CCDC91: variants seen among roughly 807,000 people sequenced by gnomAD.
The protein encoded by CCDC91 is coiled-coil domain-containing protein 91.
CCDC91 carries 48 observed loss-of-function variants against 63.2 expected under a neutral mutation model. The observed-to-expected ratio is 0.76, with a 90% CI of 0.60 to 0.97. The LOEUF (loss-of-function observed/expected upper bound fraction) is 0.97, where lower values mean the gene tolerates loss of function less well. Ranked by LOEUF, CCDC91 falls within the 50% of genes least tolerant of loss-of-function variation. CCDC91 has a pLI of 0.00. For synonymous variants in CCDC91, 167 were observed against 165.8 expected (o/e 1.01, Z -0.06); for missense variants, 500 against 494.6 (o/e 1.01, Z -0.10).
chr12:28,231,183 A>G (rs1944573070), intron 1 of CCDC91, among the ~76,000 whole-genome samples: 1 of 152,186 alleles, frequency 6.6e-6, no homozygotes, highest in Non-Finnish European at 1.5e-5. Flanking sequence ...GTTGTGAGAA[A>G]TAAACTGGAA....
At chr12:28,202,236 C>A (rs1310657398) in intron 1 of CCDC91, among the ~76,000 whole-genome samples, 1 of 152,108 alleles carries the variant, frequency 6.6e-6, no homozygotes, top group African/African-American at 2.4e-5. Context: ...GTTTTAGTGT[C>A]TTTGTCTCAT....
intron 1 of CCDC91, among the ~76,000 whole-genome samples, chr12:28,212,788 A>G (rs867997958): frequency 2.6e-5 from 4 of 152,212 alleles, no homozygotes; most frequent in African/African-American, 7.2e-5. Context: ...AACTGAGTCT[A>G]TGAAAGTTAA....
At chr12:28,484,203 T>A in intron 12 of CCDC91, 38 bp downstream of exon 12, 1 of 1,160,608 alleles carries the variant, frequency 8.6e-7, no homozygotes, top group Non-Finnish European at 1.3e-6. Flanking sequence ...TGTGCTTCAA[T>A]AAACTGAATC....
intron 6 of CCDC91, among the ~76,000 whole-genome samples, chr12:28,338,561 C>A (rs1395988375): frequency 6.6e-6 from 1 of 151,916 alleles, no homozygotes; most frequent in Admixed American, 6.6e-5. Context: ...TACCAGGGGG[C>A]CACCCTACAT....
chr12:28,348,618 TAAC>T (rs1942976448), intron 6 of CCDC91, among the ~76,000 whole-genome samples: 1 of 152,242 alleles, frequency 6.6e-6, no homozygotes, highest in Non-Finnish European at 1.5e-5. Flanking sequence ...CTTCTTTCTG[TAAC>T]AACTATTGTT....
At position 28,502,990 on chromosome 12, in the gene CCDC91, A is replaced by G. The variant is rs960006354; in HGVS notation, c.1215+18825A>G. ...AAAACCATAAAAACCCTAGAAGAAA[A>G]CCTAGGCAATACCATTCAGGACATA... On this transcript the variant is annotated intron_variant, in intron 12 of 12. Transcript: ENST00000536442. 5.9e-4 allele frequency among the ~76,000 whole-genome samples: 90 copies of G among 152,052 alleles called. 1 individual carries two copies. Among genetic ancestry groups the G allele is most frequent in the African/African-American group, 2.1e-3 (86 of 41,456 alleles).
At chr12:28,193,671 C>T (rs757411868) in intron 1 of CCDC91, among the ~76,000 whole-genome samples, 56 of 151,934 alleles carry the variant, frequency 3.7e-4, no homozygotes, top group Non-Finnish European at 6.5e-4. Flanking sequence ...TTTGCATTCC[C>T]GCAAGTGATG....
intron 12 of CCDC91, chr12:28,505,332 CA>C (rs1399536257): frequency 6.6e-6 from 1 of 151,764 alleles, no homozygotes; most frequent in African/African-American, 2.4e-5. Flanking sequence ...CATAATATTC[CA>C]TGTCCTTGAA....
At position 28,359,174 on chromosome 12, in the gene CCDC91, G is replaced by A. The variant is rs543074500; in HGVS notation, c.577-3264G>A. 1.8e-3 allele frequency among the ~76,000 whole-genome samples: 268 copies of A among 152,086 alleles called. 2 individuals carry two copies. Among genetic ancestry groups the A allele is most frequent in the Non-Finnish European group, 2.7e-3 (181 of 67,996 alleles). Reference sequence around the variant, plus strand: ...CTCCCAAAGTGCTGGGATTACGGGCGTGAGCCACAGCACCCAGCCTACACA... The same window carrying A: ...CTCCCAAAGTGCTGGGATTACGGGCATGAGCCACAGCACCCAGCCTACACA... On this transcript the variant is annotated intron_variant, in intron 6 of 12. Coordinates refer to ENST00000536442, the MANE Select transcript of CCDC91 (RefSeq NM_018318.5).
chr12:28,206,603 A>G (rs968827798), intron 1 of CCDC91, among the ~76,000 whole-genome samples: 2 of 152,122 alleles, frequency 1.3e-5, no homozygotes, highest in Non-Finnish European at 2.9e-5. Context: ...TAAAGAGTCT[A>G]CTCACTTAAC....
chr12:28,490,822 T>G (rs1951959926), intron 12 of CCDC91, among the ~76,000 whole-genome samples: 1 of 151,896 alleles, frequency 6.6e-6, no homozygotes. Flanking sequence ...CTTGATGGTC[T>G]GTCTTGTTTT....
chr12:28,548,948 TA>T, intron 12 of CCDC91, 114 bp from the exon 13 acceptor site: 1 of 643,366 alleles, frequency 1.6e-6, no homozygotes, highest in Non-Finnish European at 2.8e-6. Flanking sequence ...TTTGATTTCC[TA>T]AATTGTCTCA....
At chr12:28,373,961 A>T (rs1443365714) in intron 7 of CCDC91, among the ~76,000 whole-genome samples, 1 of 152,108 alleles carries the variant, frequency 6.6e-6, no homozygotes, top group Non-Finnish European at 1.5e-5. Context: ...TTCTGCCATG[A>T]TTGTAAGTTT....
intron 3 of CCDC91, among the ~76,000 whole-genome samples, chr12:28,295,405 A>G (rs960469277): frequency 6.6e-6 from 1 of 152,118 alleles, no homozygotes; most frequent in Non-Finnish European, 1.5e-5. Flanking sequence ...AACACCTTTG[A>G]TATACAGCAC....
intron 11 of CCDC91, among the ~76,000 whole-genome samples, chr12:28,477,495 C>T (rs188904578): frequency 2.6e-3 from 392 of 152,172 alleles, no homozygotes; most frequent in Middle Eastern, 0.017. Context: ...TTATGACAAA[C>T]CCACAGCCAA....
chr12:28,528,530 G>C (rs995773412), intron 12 of CCDC91, among the ~76,000 whole-genome samples: 1 of 152,102 alleles, frequency 6.6e-6, no homozygotes, highest in African/African-American at 2.4e-5. Context: ...GGGTCTGTGG[G>C]TTCTCTTGGC....
At chr12:28,490,009 G>A (rs1951914374) in intron 12 of CCDC91, among the ~76,000 whole-genome samples, 1 of 151,854 alleles carries the variant, frequency 6.6e-6, no homozygotes, top group Non-Finnish European at 1.5e-5. Context: ...AAGACTATGA[G>A]TAACATTTTC....
At chr12:28,200,328 G>C (rs953042151) in intron 1 of CCDC91, among the ~76,000 whole-genome samples, 2 of 146,698 alleles carry the variant, frequency 1.4e-5, no homozygotes, top group African/African-American at 5.0e-5. Context: ...GGTGTTTCTC[G>C]CAGAGGGGGA....
intron 12 of CCDC91, among the ~76,000 whole-genome samples, chr12:28,514,721 C>T (rs1465641663): frequency 6.6e-6 from 1 of 151,842 alleles, no homozygotes; most frequent in African/African-American, 2.4e-5. Context: ...GCCAGTTATC[C>T]TAGCACCATT....
Sources: gnomAD v4.1 joint callset for allele counts (sites outside exome capture counted in the v4.1 genomes callset) on GRCh38, gnomAD v4.1.1 for gene constraint, MANE v1.5 for transcripts, NCBI Gene and HGNC (gene_info 2026-07-23, HGNC 2026-07-21) for gene names.